Variants in DGKD observed in about 807,000 individuals in gnomAD.
DGKD encodes DAG kinase delta.
DGKD carries 68 observed loss-of-function variants against 154.4 expected under a neutral mutation model. That is an observed-to-expected ratio of 0.44 (90% CI 0.36 to 0.54). DGKD has a LOEUF of 0.54. DGKD is among the 20% of genes least tolerant of loss of function. DGKD has a pLI of 0.00. For missense variants in DGKD, 1,343 were observed against 1,593.6 expected, an observed-to-expected ratio of 0.84 and a Z score of 2.68; for synonymous variants, 693 against 638.0, an observed-to-expected ratio of 1.09 and a Z score of -1.30.
chr2:233,455,710 G>T (rs2063439382), intron 19 of DGKD, among the ~76,000 whole-genome samples: 1 of 152,262 alleles, frequency 6.6e-6, no homozygotes. Flanking sequence ...AAGCCACGTG[G>T]CCCCCTGTGG....
At chr2:233,465,231 T>C (rs1375884862) in intron 27 of DGKD, among the ~76,000 whole-genome samples, 6 of 152,198 alleles carry the variant, frequency 3.9e-5, no homozygotes, top group African/African-American at 1.4e-4. Flanking sequence ...TAAGAAATTT[T>C]ACCCAAAATT....
intron 1 of DGKD, among the ~76,000 whole-genome samples, chr2:233,369,032 T>A (rs1702181587): frequency 6.6e-6 from 1 of 152,194 alleles, no homozygotes; most frequent in Admixed American, 6.5e-5. Context: ...TTGTTTTCCT[T>A]TTTTGGATTG....
Position 233,354,776 on chromosome 2 carries a change from G to T in DGKD, c.156+102G>T, listed in dbSNP as rs1192719459. ...CGAGCGGCCGCCCAGGCCCGGCTCG[G>T]CCCGGCCCGGGGTCCCGCGGGCGTC... is the stretch of plus-strand genomic sequence containing the variant. On this transcript the variant is annotated intron_variant, in intron 1 of 29. Transcript: ENST00000264057. This position sits in a 1 kb window ranked among gnomAD's most constrained non-coding sequence, Gnocchi z 4.8. The T allele has an allele frequency of 3.0e-6, 2 of 675,958 alleles. No individual in the cohort carries two copies. Among genetic ancestry groups the T allele is most frequent in the African/African-American group, 2.0e-5 (1 of 50,572 alleles). The allele number at this position is 675,958 out of a possible 1,614,324, so 41.9% of individuals were successfully genotyped here.
chr2:233,361,303 A>G (rs1701771452), intron 1 of DGKD, among the ~76,000 whole-genome samples: 1 of 152,232 alleles, frequency 6.6e-6, no homozygotes, highest in Non-Finnish European at 1.5e-5. Flanking sequence ...CTGAAATTAA[A>G]GTAATCCCAG....
intron 1 of DGKD, among the ~76,000 whole-genome samples, chr2:233,364,551 G>GAAC (rs1701934928): frequency 6.6e-6 from 1 of 152,188 alleles, no homozygotes. Flanking sequence ...CCAGGAAGAA[G>GAAC]AACAAAGATC....
At chr2:233,421,348 C>T (rs1252677650) in intron 3 of DGKD, among the ~76,000 whole-genome samples, 1 of 152,188 alleles carries the variant, frequency 6.6e-6, no homozygotes, top group Admixed American at 6.5e-5. Flanking sequence ...CCAGAGCCTG[C>T]CCACTCTCCT....
rs1473744158 is a variant in DGKD, at chr2:233,440,615, G to A, written c.1086-1272G>A. ...GGGAGGCTTCTGGGCTGAGGGCACC[G>A]CTTGTGCAGAGGCGAGGCAAGAGGG... On this transcript the variant is annotated intron_variant, in intron 9 of 29. Transcript: ENST00000264057. The surrounding 1 kb of genome is among the most constrained non-coding windows in gnomAD (Gnocchi z 4.9). 6.6e-5 allele frequency among the ~76,000 whole-genome samples: 10 copies of A among 152,164 alleles called. No homozygotes were observed. The highest frequency in any genetic ancestry group is 1.2e-4 in the Non-Finnish European group (8 of 68,028).
At chr2:233,429,340 CAAAAGTGTTCAA>C (rs2062428688) in intron 3 of DGKD, 1 of 984,018 alleles carries the variant, frequency 1.0e-6, no homozygotes. Flanking sequence ...ACTATGCTGA[CAAAAGTGTTCAA>C]ATATTAAAAC....
intron 3 of DGKD, among the ~76,000 whole-genome samples, chr2:233,415,388 C>A (rs1428198724): frequency 6.6e-6 from 1 of 152,206 alleles, no homozygotes; most frequent in Non-Finnish European, 1.5e-5. Context: ...CCTCAAAGAG[C>A]TTTCCTGGAA....
At chr2:233,435,243 A>G (rs1239915222) in intron 5 of DGKD, among the ~76,000 whole-genome samples, 1 of 152,070 alleles carries the variant, frequency 6.6e-6, no homozygotes, top group Non-Finnish European at 1.5e-5. Context: ...GCATATATGG[A>G]CTGAAAGTGT....
chr2:233,365,258 T>A (rs909825409), intron 1 of DGKD, among the ~76,000 whole-genome samples: 3 of 150,172 alleles, frequency 2.0e-5, no homozygotes, highest in African/African-American at 7.4e-5. Flanking sequence ...GGAGACGGAG[T>A]TTCGCTCTGT....
chr2:233,371,417 G>GT (rs1045506440), intron 1 of DGKD, among the ~76,000 whole-genome samples: 1 of 152,020 alleles, frequency 6.6e-6, no homozygotes, highest in Non-Finnish European at 1.5e-5. Context: ...AATTGTAAGA[G>GT]TTTTTTATAT....
rs150289079 is a variant in DGKD at position 233,391,178 on chromosome 2, T to C, written c.348+695T>C. 1.1e-4 allele frequency among the ~76,000 whole-genome samples: 17 copies of C among 152,324 alleles called. 1 individual carries two copies. The East Asian group carries it at 2.5e-3, about 22-fold the overall frequency. On this transcript the variant is annotated intron_variant, in intron 3 of 29. Coordinates refer to ENST00000264057, the MANE Select transcript of DGKD (RefSeq NM_152879.3). Reference sequence around the variant, plus strand: ...AACATTGAATGTTAATATTTTGGTGTATTTCTTTTTTTTTTCCTTTTTTAT... The same window carrying C: ...AACATTGAATGTTAATATTTTGGTGCATTTCTTTTTTTTTTCCTTTTTTAT...
chr2:233,422,356 A>T lies in DGKD; in HGVS notation c.349-12024A>T, dbSNP rs1250661362. The stretch of plus-strand genomic sequence containing the variant: ...CCAGGGCCCTGCCTTGTGCAGGCTC[A>T]AGTACCCAGGCCACGTGTCAGAGCC... On this transcript the variant is annotated intron_variant, in intron 3 of 29. Coordinates refer to ENST00000264057, the MANE Select transcript of DGKD (RefSeq NM_152879.3). Among the ~76,000 whole-genome samples, 5 of 152,330 alleles carry T rather than the reference A, an allele frequency of 3.3e-5. No homozygotes were observed. In the East Asian group the frequency reaches 9.6e-4, roughly 29 times the overall value.
chr2:233,456,112 A>G (rs1296561865), intron 19 of DGKD, among the ~76,000 whole-genome samples: 2 of 152,236 alleles, frequency 1.3e-5, no homozygotes, highest in Non-Finnish European at 2.9e-5. Context: ...GAGCTTTGAA[A>G]AGTTCTCCTG....
chr2:233,435,783 A>G, intron 5 of DGKD, 35 bp from the exon 6 acceptor site: 3 of 1,589,806 alleles, frequency 1.9e-6, no homozygotes, highest in Non-Finnish European at 2.6e-6. Flanking sequence ...TGGCACAGAC[A>G]CAGCTTGTAG....
chr2:233,468,471 G>C lies in DGKD; in HGVS notation c.3473G>C (p.Ser1158Thr). The change falls in exon 29 of 30, where the codon AGT becomes ACT. Residue 1158 changes from serine to threonine, a missense_variant. Ser to Thr is a moderately conservative substitution (Grantham distance 58). Transcript: ENST00000264057. Reference protein sequence around the residue: ...EEVAAWLEHLSLCEYKDIFTR... With the variant: ...EEVAAWLEHLTLCEYKDIFTR... ...GTTGCTGCCTGGCTGGAGCACCTCA[G>C]TCTCTGTGAGTATAAGGACATCTTC... 1 of 1,613,610 alleles carries C rather than the reference G, an allele frequency of 6.2e-7. No individual in the cohort carries two copies. Among genetic ancestry groups the C allele is most frequent in the South Asian group, 1.1e-5 (1 of 90,996 alleles).
chr2:233,458,468 A>G lies in DGKD; in HGVS notation c.2694+71A>G, dbSNP rs2063526938. 1 of 1,253,078 alleles carries G rather than the reference A, an allele frequency of 8.0e-7. No homozygotes were observed. Among genetic ancestry groups the G allele is most frequent in the East Asian group, 2.4e-5 (1 of 41,046 alleles). 77.6% of individuals were successfully genotyped at this position (1,253,078 alleles called of 1,614,324 possible). A position where few individuals can be genotyped will look rare whatever the true frequency, so the allele number is the denominator to read the frequency against. ...AGTGTGCTAAATTCTGGGGCAGTGCATGGAGCCTGGGAGGGTGGGCGCTTT... is the reference window on the plus strand; with the variant it reads ...AGTGTGCTAAATTCTGGGGCAGTGCGTGGAGCCTGGGAGGGTGGGCGCTTT... On this transcript the variant is annotated intron_variant, in intron 22 of 29. Coordinates refer to ENST00000264057, the MANE Select transcript of DGKD (RefSeq NM_152879.3). This position sits in a 1 kb window ranked among gnomAD's most constrained non-coding sequence, Gnocchi z 6.6.
intron 3 of DGKD, among the ~76,000 whole-genome samples, chr2:233,429,738 A>G (rs1001753764): frequency 6.6e-6 from 1 of 152,242 alleles, no homozygotes; most frequent in Non-Finnish European, 1.5e-5. Flanking sequence ...AGCAGGGCAG[A>G]AGGCAGACGG....
Sources: allele counts gnomAD v4.1 joint callset (sites outside exome capture counted in the v4.1 genomes callset), GRCh38; gene constraint gnomAD v4.1.1; non-coding constraint Gnocchi (gnomAD v3.1); transcripts MANE v1.5; gene names NCBI Gene and HGNC (gene_info 2026-07-23, HGNC 2026-07-21).